The following FGF13 variants were observed in gnomAD, a reference collection of about 807,000 sequenced individuals.
FGF13 encodes fibroblast growth factor 13, also known as fibroblast growth factor homologous factor 2.
A neutral mutation model predicts 19.5 loss-of-function variants in FGF13; 2 were observed. That is an observed-to-expected ratio of 0.10 (90% CI 0.04 to 0.32). The LOEUF is 0.32. FGF13 is among the 10% of genes least tolerant of loss of function. The pLI, the probability that FGF13 is intolerant of heterozygous loss-of-function variation, is 1.00. For synonymous variants in FGF13, 72 were observed against 76.9 expected (o/e 0.94, Z 0.33); for missense variants, 113 against 192.7 (o/e 0.59, Z 2.45).
At chrX:139,165,187 C>G in intron 1 of FGF13, among the ~76,000 whole-genome samples, 1 of 112,173 alleles carries the variant, frequency 8.9e-6, no homozygotes, top group Middle Eastern at 4.6e-3. Flanking sequence ...AGAATTGTGT[C>G]CATGTCCTAG....
intron 3 of FGF13, among the ~76,000 whole-genome samples, chrX:138,676,468 C>T (rs1413214405): frequency 9.0e-6 from 1 of 111,675 alleles, no homozygotes; most frequent in African/African-American, 3.3e-5. Context: ...ATCTTTTCTT[C>T]ACCACTATGT....
chrX:139,163,832 C>A lies in FGF13; in HGVS notation c.-113+39584G>T, dbSNP rs537084334. Among the ~76,000 whole-genome samples, 14 of 111,321 alleles carry A rather than the reference C, an allele frequency of 1.3e-4. No individual in the cohort carries two copies. The South Asian group carries it at 4.9e-3, about 39-fold the overall frequency. ...TTTCCTGAAGTTTTCTTAGGAAAAT[C>A]CAGTCTAAGGATGCTGTGCATTAGA... On this transcript the variant is annotated intron_variant, in intron 1 of 2. Transcript: ENST00000421460.
At chrX:138,985,434 G>A (rs1160758671) in intron 1 of FGF13, among the ~76,000 whole-genome samples, 14 of 111,848 alleles carry the variant, frequency 1.3e-4, no homozygotes, top group Non-Finnish European at 2.6e-4. Flanking sequence ...AAACAGGATG[G>A]AGTCTCCTGT....
intron 1 of FGF13, among the ~76,000 whole-genome samples, chrX:139,202,534 C>T: frequency 9.0e-6 from 1 of 111,603 alleles, no homozygotes; most frequent in Admixed American, 9.5e-5. Context: ...AACAATGACC[C>T]GTATGACAAC....
intron 3 of FGF13, among the ~76,000 whole-genome samples, chrX:138,675,609 T>A (rs2089656932): frequency 9.0e-6 from 1 of 111,559 alleles, no homozygotes; most frequent in African/African-American, 3.2e-5. Context: ...CTATTTACTA[T>A]TATTTTCATA....
chrX:138,984,900 A>G (rs1204280388), intron 1 of FGF13: 1 of 274,792 alleles, frequency 3.6e-6, no homozygotes, highest in African/African-American at 2.9e-5. Context: ...TCTCATTAAA[A>G]TGAAAATACA....
intron 1 of FGF13, among the ~76,000 whole-genome samples, chrX:139,094,545 T>A (rs991314330): frequency 1.8e-5 from 2 of 110,946 alleles, no homozygotes; most frequent in Non-Finnish European, 3.8e-5. Flanking sequence ...TTAATAAGAG[T>A]CAGAAGAGGA....
At position 139,033,051 on chromosome X, in the gene FGF13, A is replaced by AAAAC. The variant is rs1220806934; in HGVS notation, c.-112-168402_-112-168401insGTTT. 2.1e-4 allele frequency among the ~76,000 whole-genome samples: 21 copies of AAAAC among 97,755 alleles called. No individual in the cohort carries two copies. The East Asian group carries it at 5.7e-3, about 27-fold the overall frequency. The allele number at this position is 97,755 out of a possible 115,157, so 84.9% of individuals were successfully genotyped here. The stretch of plus-strand genomic sequence containing the variant: ...CCAAAAAAAAAAAAAAAAAAAAAAA[A>AAAAC]AAAACTACAGCTCACATTCATGGGC... On this transcript the variant is annotated intron_variant, in intron 1 of 2. Transcript: ENST00000421460.
intron 1 of FGF13, among the ~76,000 whole-genome samples, chrX:139,169,824 T>C (rs1230171014): frequency 6.3e-5 from 7 of 111,843 alleles, no homozygotes; most frequent in African/African-American, 2.3e-4. Context: ...CCTGCCTTTT[T>C]CGGTGCCCAA....
intron 3 of FGF13, among the ~76,000 whole-genome samples, chrX:138,694,272 A>C (rs1323340953): frequency 9.0e-6 from 1 of 111,462 alleles, no homozygotes; most frequent in Non-Finnish European, 1.9e-5. Context: ...GTATGAAATT[A>C]AAACATATAT....
chrX:138,819,709 TGGA>T (rs2090985721), intron 3 of FGF13, among the ~76,000 whole-genome samples: 1 of 112,012 alleles, frequency 8.9e-6, no homozygotes, highest in Admixed American at 9.5e-5. Flanking sequence ...CTTTCAATAA[TGGA>T]GGCTGACTCT....
intron 3 of FGF13, among the ~76,000 whole-genome samples, chrX:138,745,412 A>G (rs2090348292): frequency 8.9e-6 from 1 of 111,917 alleles, no homozygotes; most frequent in Non-Finnish European, 1.9e-5. Flanking sequence ...GAATAAGAGA[A>G]TGGCCTCGTA....
At chrX:138,700,276 T>C (rs1375417159) in intron 3 of FGF13, among the ~76,000 whole-genome samples, 1 of 111,372 alleles carries the variant, frequency 9.0e-6, no homozygotes, top group Non-Finnish European at 1.9e-5. Flanking sequence ...TTACCTCCTT[T>C]GCTTACTTTT....
intron 3 of FGF13, among the ~76,000 whole-genome samples, chrX:138,761,966 C>T (rs2090470711): frequency 9.1e-6 from 1 of 109,445 alleles, no homozygotes; most frequent in African/African-American, 3.3e-5. Context: ...AAGTGCTATG[C>T]AATAGCACTT....
chrX:138,984,523 G>GAACAAGAAGAAGAA lies in FGF13; in HGVS notation c.-112-119874_-112-119873insTTCTTCTTCTTGTT, dbSNP rs2091979498. On this transcript the variant is annotated intron_variant, in intron 1 of 2. Transcript: ENST00000421460. ...AAGGAGAAGAAGAGGAAGAAGAAGA[G>GAACAAGAAGAAGAA]GAAGAAGAAGAAGAAGAAGAAGAAG... Among the ~76,000 whole-genome samples, 243 of 31,584 alleles carry GAACAAGAAGAAGAA rather than the reference G, an allele frequency of 7.7e-3. 72 individuals carry two copies. Among genetic ancestry groups the GAACAAGAAGAAGAA allele is most frequent in the East Asian group, 0.018 (13 of 732 alleles). The allele number at this position is 31,584 out of a possible 115,157, so 27.4% of individuals were successfully genotyped here. A position where few individuals can be genotyped will look rare whatever the true frequency, so the allele number is the denominator to read the frequency against.
At chrX:138,797,994 CA>C (rs1186215378) in intron 3 of FGF13, among the ~76,000 whole-genome samples, 1 of 111,827 alleles carries the variant, frequency 8.9e-6, no homozygotes, top group Non-Finnish European at 1.9e-5. Flanking sequence ...AAGATACAAT[CA>C]CGTCGTCTGC....
At chrX:138,683,711 A>G (rs1165378277) in intron 3 of FGF13, among the ~76,000 whole-genome samples, 1 of 111,721 alleles carries the variant, frequency 9.0e-6, no homozygotes, top group African/African-American at 3.3e-5. Flanking sequence ...TACATAGAGC[A>G]AATTGCTGTA....
intron 1 of FGF13, among the ~76,000 whole-genome samples, chrX:138,982,679 T>C (rs2091968893): frequency 1.8e-5 from 2 of 112,084 alleles, no homozygotes; most frequent in African/African-American, 6.5e-5. Flanking sequence ...CATGATTTAG[T>C]GGCAGAGCAG....
intron 1 of FGF13, among the ~76,000 whole-genome samples, chrX:139,186,717 T>C (rs1312822944): frequency 8.9e-6 from 1 of 111,779 alleles, no homozygotes; most frequent in Admixed American, 9.5e-5. Context: ...CCTTTTACAT[T>C]TACATTTGCA....
Sources: gnomAD v4.1 joint callset for allele counts (sites outside exome capture counted in the v4.1 genomes callset) on GRCh38, gnomAD v4.1.1 for gene constraint, MANE v1.5 for transcripts, NCBI Gene and HGNC (gene_info 2026-07-23, HGNC 2026-07-21) for gene names.